The following CYP46A1 variants were observed in gnomAD, a reference collection of about 807,000 sequenced individuals.
CYP46A1 encodes the protein cholesterol 24-hydroxylase.
Under a neutral mutation model 63.3 loss-of-function variants are expected in CYP46A1, and 20 were observed. That is an observed-to-expected ratio of 0.32 (90% CI 0.22 to 0.46). CYP46A1 has a LOEUF of 0.46. Ranked by LOEUF, CYP46A1 falls within the 20% of genes least tolerant of loss-of-function variation. CYP46A1 has a pLI of 1.00. For missense variants in CYP46A1, 445 were observed against 670.8 expected, an observed-to-expected ratio of 0.66 and a Z score of 3.72; for synonymous variants, 268 against 273.6, an observed-to-expected ratio of 0.98 and a Z score of 0.20.
chr14:99,699,973 C>A, intron 4 of CYP46A1, 42 bp from the exon 5 acceptor site: 5 of 454,974 alleles, frequency 1.1e-5, no homozygotes, highest in South Asian at 2.1e-5. Flanking sequence ...TCGCTCCCCA[C>A]CCCCCACCCT....
chr14:99,726,839 C>A lies in CYP46A1; in HGVS notation c.*112C>A. On this transcript the variant is annotated 3_prime_UTR_variant, in exon 15 of 15. Transcript: ENST00000261835. ...GCCCCGTCCCCTGGGCCACCCTTCACGCTGGCTTCCAGCGGGCCCTCTGCC... is the reference window on the plus strand; with the variant it reads ...GCCCCGTCCCCTGGGCCACCCTTCAAGCTGGCTTCCAGCGGGCCCTCTGCC... 1 of 922,678 alleles carries A rather than the reference C, an allele frequency of 1.1e-6. No homozygotes were observed. The highest frequency in any genetic ancestry group is 1.5e-6 in the Non-Finnish European group (1 of 656,964). The allele number at this position is 922,678 out of a possible 1,614,324, so 57.2% of individuals were successfully genotyped here.
chr14:99,695,080 A>G (rs985999424), intron 3 of CYP46A1, among the ~76,000 whole-genome samples: 2 of 152,180 alleles, frequency 1.3e-5, no homozygotes, highest in African/African-American at 4.8e-5. Flanking sequence ...TTCAATTTTT[A>G]AATATTAGGG....
chr14:99,706,008 T>C (rs1409794390), intron 5 of CYP46A1: 1 of 152,234 alleles, frequency 6.6e-6, no homozygotes, highest in Non-Finnish European at 1.5e-5. Flanking sequence ...AAACATGTAA[T>C]GTACAAAATG....
intron 3 of CYP46A1, among the ~76,000 whole-genome samples, chr14:99,694,967 T>G (rs1414286864): frequency 6.6e-6 from 1 of 152,260 alleles, no homozygotes; most frequent in African/African-American, 2.4e-5. Context: ...TAGGACAAAT[T>G]TACCACAAAT....
rs767787355 is a variant in CYP46A1, at chr14:99,706,698, G to A, written c.495G>A (p.Val165=). 2.5e-6 allele frequency: 4 copies of A among 1,614,006 alleles called. No individual in the cohort carries two copies. The highest frequency in any genetic ancestry group is 3.4e-6 in the Non-Finnish European group (4 of 1,180,032). ...ETFNEKAEQL[V]EILEAKADGQ... is the part of the protein sequence containing the mutation. Reference sequence around the variant, plus strand: ...TCAACGAGAAGGCTGAGCAGCTGGTGGAGATTCTAGAAGCCAAGGCAGATG... The same window carrying A: ...TCAACGAGAAGGCTGAGCAGCTGGTAGAGATTCTAGAAGCCAAGGCAGATG... The change falls in exon 6 of 15, where the codon GTG becomes GTA. Residue 165 remains valine, a synonymous_variant. Transcript: ENST00000261835.
At chr14:99,716,387 A>G (rs2056790879) in intron 9 of CYP46A1, among the ~76,000 whole-genome samples, 188 bp downstream of exon 9, 1 of 152,200 alleles carries the variant, frequency 6.6e-6, no homozygotes, top group Admixed American at 6.5e-5. Flanking sequence ...CTGACCTGGT[A>G]ATGCAGCTGG....
intron 5 of CYP46A1, among the ~76,000 whole-genome samples, chr14:99,701,423 A>G (rs2056629423): frequency 6.6e-6 from 1 of 152,214 alleles, no homozygotes; most frequent in Non-Finnish European, 1.5e-5. Context: ...ATGTTTAGAT[A>G]TACAAATACC....
intron 10 of CYP46A1, among the ~76,000 whole-genome samples, chr14:99,719,747 C>CT (rs1000210437): frequency 3.6e-5 from 5 of 137,488 alleles, no homozygotes; most frequent in Non-Finnish European, 6.1e-5. Context: ...AACTCCCTTC[C>CT]TTTTTTTTCT....
intron 7 of CYP46A1, among the ~76,000 whole-genome samples, chr14:99,713,685 C>T (rs553856279): frequency 8.3e-4 from 126 of 151,960 alleles, no homozygotes; most frequent in African/African-American, 2.4e-3. Flanking sequence ...TTCAGACCAG[C>T]CTGGCCAACG....
chr14:99,685,103 C>A lies in CYP46A1; in HGVS notation c.119+567C>A, dbSNP rs12879515. ...CAACTTGCCAACCCCCCCCCACCCCCAGCTTAGCTTTGTGAAGCTTAAATT... is the reference window on the plus strand; with the variant it reads ...CAACTTGCCAACCCCCCCCCACCCCAAGCTTAGCTTTGTGAAGCTTAAATT... On this transcript the variant is annotated intron_variant, in intron 1 of 14. Transcript: ENST00000261835. 4.1e-4 allele frequency among the ~76,000 whole-genome samples: 52 copies of A among 125,888 alleles called. 3 individuals carry two copies. The highest frequency in any genetic ancestry group is 4.1e-3 in the Middle Eastern group (1 of 246). 82.6% of individuals were successfully genotyped at this position (125,888 alleles called of 152,430 possible). A position where few individuals can be genotyped will look rare whatever the true frequency, so the allele number is the denominator to read the frequency against.
intron 10 of CYP46A1, among the ~76,000 whole-genome samples, chr14:99,718,475 T>G (rs1235581652): frequency 6.6e-6 from 1 of 152,316 alleles, no homozygotes; most frequent in Admixed American, 6.5e-5. Context: ...ACCGTGGTTT[T>G]TTCCCTCCCC....
chr14:99,684,592 A>G (rs1438516534), intron 1 of CYP46A1, 56 bp downstream of exon 1: 2 of 1,376,472 alleles, frequency 1.5e-6, no homozygotes, highest in Non-Finnish European at 1.9e-6. Context: ...GGGCCTGGGG[A>G]CAGCGTCTAA....
At chr14:99,699,237 C>T (rs1302741919) in intron 3 of CYP46A1, among the ~76,000 whole-genome samples, 1 of 152,164 alleles carries the variant, frequency 6.6e-6, no homozygotes, top group Admixed American at 6.5e-5. Flanking sequence ...CGCTCTCTGA[C>T]TGTACGTCCA....
chr14:99,718,918 TGGCACCCCACCCACCCAGC>T (rs2056818250), intron 10 of CYP46A1, among the ~76,000 whole-genome samples: 1 of 150,128 alleles, frequency 6.7e-6, no homozygotes, highest in African/African-American at 2.4e-5. Context: ...AACCCACCCA[TGGCACCCCACCCACCCAGC>T]GGCACTTCGC....
rs1477124284 is a variant in CYP46A1 at position 99,722,714 on chromosome 14, C to A, written c.1176+648C>A. On this transcript the variant is annotated intron_variant, in intron 12 of 14. Coordinates refer to ENST00000261835, the MANE Select transcript of CYP46A1 (RefSeq NM_006668.2). This position sits in a 1 kb window ranked among gnomAD's most constrained non-coding sequence, Gnocchi z 4.6. ...ATTCACGCAGTAATATATTGTAGGA[C>A]TTGTTTTTTGACTCAGTATAAAGTT... Among the ~76,000 whole-genome samples the A allele has an allele frequency of 6.7e-6, 1 of 148,914 alleles. No homozygotes were observed. The highest frequency in any genetic ancestry group is 1.5e-5 in the Non-Finnish European group (1 of 67,498).
chr14:99,714,119 T>C (rs1406771066), intron 7 of CYP46A1, among the ~76,000 whole-genome samples: 1 of 152,182 alleles, frequency 6.6e-6, no homozygotes, highest in African/African-American at 2.4e-5. Flanking sequence ...CCAAGAGGTA[T>C]ATGAAAAAAT....
At chr14:99,721,474 T>G in intron 11 of CYP46A1, 151 bp downstream of exon 11, 1 of 641,626 alleles carries the variant, frequency 1.6e-6, no homozygotes, top group Non-Finnish European at 2.8e-6. Flanking sequence ...AGGCCCAGGC[T>G]GCCCCAGACT....
At position 99,725,199 on chromosome 14, in the gene CYP46A1, C is replaced by A. The variant is rs1215561277; in HGVS notation, c.1177-192C>A. 6.6e-6 allele frequency among the ~76,000 whole-genome samples: 1 copy of A among 151,934 alleles called. No homozygotes were observed. Among genetic ancestry groups the A allele is most frequent in the Non-Finnish European group, 1.5e-5 (1 of 67,980 alleles). The stretch of plus-strand genomic sequence containing the variant: ...GCCCAGCTGGCACAGTCAACTGTCC[C>A]CGCTCTTCCTCTTAAGGGATTTTCT... On this transcript the variant is annotated intron_variant, in intron 12 of 14. Transcript: ENST00000261835. This position sits in a 1 kb window ranked among gnomAD's most constrained non-coding sequence, Gnocchi z 4.2.
At chr14:99,706,908 T>C in intron 6 of CYP46A1, 123 bp downstream of exon 6, 1 of 1,218,050 alleles carries the variant, frequency 8.2e-7, no homozygotes, top group South Asian at 1.6e-5. Flanking sequence ...GCAATTCCTC[T>C]GTGCTTCATA....
Sources: allele counts gnomAD v4.1 joint callset (sites outside exome capture counted in the v4.1 genomes callset), GRCh38; gene constraint gnomAD v4.1.1; non-coding constraint Gnocchi (gnomAD v3.1); transcripts MANE v1.5; gene names NCBI Gene and HGNC (gene_info 2026-07-23, HGNC 2026-07-21).